ATN1: variants seen among roughly 807,000 people sequenced by gnomAD.
ATN1 encodes atrophin-1.
In ATN1, 19 loss-of-function variants were observed where a neutral mutation model predicts 85.8. The ratio of observed to expected loss-of-function variants is 0.22; its 90% CI spans 0.15 to 0.32. The LOEUF (loss-of-function observed/expected upper bound fraction) is 0.32, where lower values mean the gene tolerates loss of function less well. ATN1 is among the 10% of genes least tolerant of loss of function. The pLI is 1.00. For missense variants in ATN1, 1,453 were observed against 1,564.5 expected (o/e 0.93, Z 1.20); for synonymous variants, 674 against 657.0 (o/e 1.03, Z -0.39).
At chr12:6,938,143 C>G (rs1555144179) in intron 6 of ATN1, 76 bp downstream of exon 6, 3 of 1,465,784 alleles carry the variant, frequency 2.0e-6, no homozygotes, top group East Asian at 2.5e-5. Context: ...CTGCGCTACG[C>G]TACGCTGCGG....
Position 6,941,855 on chromosome 12 carries a change from T to G in ATN1, c.*75T>G. ...CCCCCACCCTCCCCCCACCGTGCCCTTGGCCTGCCACCCAGAGCCAAGAGG... is the reference window on the plus strand; with the variant it reads ...CCCCCACCCTCCCCCCACCGTGCCCGTGGCCTGCCACCCAGAGCCAAGAGG... On this transcript the variant is annotated 3_prime_UTR_variant, in exon 10 of 10. Coordinates refer to ENST00000396684, the MANE Select transcript of ATN1 (RefSeq NM_001940.4). The surrounding 1 kb of genome is among the most constrained non-coding windows in gnomAD (Gnocchi z 5.9). The G allele has an allele frequency of 6.7e-7, 1 of 1,492,982 alleles. No homozygotes were observed. The allele number at this position is 1,492,982 out of a possible 1,614,324, so 92.5% of individuals were successfully genotyped here. A position where few individuals can be genotyped will look rare whatever the true frequency, so the allele number is the denominator to read the frequency against.
At chr12:6,940,697 C>G (rs1555144508) in intron 7 of ATN1, among the ~76,000 whole-genome samples, 183 bp from the exon 8 acceptor site, 1 of 152,152 alleles carries the variant, frequency 6.6e-6, no homozygotes, top group Non-Finnish European at 1.5e-5. Context: ...TATGTCCCTC[C>G]TCCAGTAGGG....
At chr12:6,925,475 G>A (rs1400532497), upstream of ATN1, among the ~76,000 whole-genome samples, 1 of 152,088 alleles carries the variant, frequency 6.6e-6, no homozygotes, top group African/African-American at 2.4e-5. Flanking sequence ...CAGGGGTGGG[G>A]AGGAGCAGCA....
intron 6 of ATN1, 55 bp downstream of exon 6, chr12:6,938,122 TCTGCGCTGCG>T (rs1209032343): frequency 4.7e-6 from 7 of 1,496,244 alleles, no homozygotes; most frequent in Admixed American, 4.4e-5. Context: ...CTTCCTTCCC[TCTGCGCTGCG>T]CTGCGCTACG....
In ATN1 at chr12:6,935,648, C is replaced by T; in HGVS notation, c.381C>T (p.Asp127=). The T allele has an allele frequency of 6.2e-7, 1 of 1,613,986 alleles. No individual in the cohort carries two copies. The highest frequency in any genetic ancestry group is 1.1e-5 in the South Asian group (1 of 91,082). ...GSSDPRDIDQ[D]NRSTSPSIYS... ...GCGACCCTAGGGATATCGACCAGGA[C>T]AACCGAAGCACGTCCCCCAGTATCT... is the stretch of plus-strand genomic sequence containing the variant. Residue 127 remains aspartate (D), a synonymous_variant, in exon 5 of 10, where the codon GAC becomes GAT. Coordinates refer to ENST00000396684, the MANE Select transcript of ATN1 (RefSeq NM_001940.4). The surrounding 1 kb of genome is among the most constrained non-coding windows in gnomAD (Gnocchi z 5.3).
At chr12:6,930,800 CAATAAATA>C (rs138589375) in intron 1 of ATN1, among the ~76,000 whole-genome samples, 25 of 149,566 alleles carry the variant, frequency 1.7e-4, no homozygotes, top group African/African-American at 5.7e-4. Context: ...GACTCCGTCT[CAATAAATA>C]AATAAATAAA....
chr12:6,938,335 G>A, intron 6 of ATN1, 146 bp from the exon 7 acceptor site: 1 of 1,316,830 alleles, frequency 7.6e-7, no homozygotes, highest in Non-Finnish European at 1.0e-6. Context: ...TTCGGGAGCG[G>A]GGGCCGCAGT....
At chr12:6,938,104 C>A (rs1555144166) in intron 6 of ATN1, 37 bp downstream of exon 6, 5 of 1,519,730 alleles carry the variant, frequency 3.3e-6, no homozygotes, top group Non-Finnish European at 4.4e-6. Context: ...GCCTTCTTTC[C>A]CTCTTTCCTT....
rs1286142304 is a variant in ATN1 at position 6,934,349 on chromosome 12, A to G, written c.165+36A>G. The stretch of plus-strand genomic sequence containing the variant: ...CTCAGGTCCTCCCACAGGATGCCCA[A>G]GGCACTGGGGCTGAGGGTGTGTGTG... On this transcript the variant is annotated intron_variant, in intron 3 of 9. Transcript: ENST00000396684. This position sits in a 1 kb window ranked among gnomAD's most constrained non-coding sequence, Gnocchi z 4.5. 3.8e-6 allele frequency: 6 copies of G among 1,576,746 alleles called. No individual in the cohort carries two copies. In the African/African-American group the frequency reaches 6.8e-5, roughly 18 times the overall value.
chr12:6,936,442 C>T lies in ATN1; in HGVS notation c.1175C>T (p.Ser392Phe), dbSNP rs782479130. ...SAAASSSSSS[S>F]SSSASPFPAS... ...GCAGCCTCCTCTTCCAGTTCTTCCT[C>T]CTCTTCCTCTGCCTCCCCCTTCCCA... Residue 392 changes from serine (S) to phenylalanine (F), a missense_variant, in exon 5 of 10, where the codon TCC becomes TTC. Ser to Phe is a radical substitution (Grantham distance 155). Coordinates refer to ENST00000396684, the MANE Select transcript of ATN1 (RefSeq NM_001940.4). 19 of 1,611,398 alleles carry T rather than the reference C, an allele frequency of 1.2e-5. No homozygotes were observed. Among genetic ancestry groups the T allele is most frequent in the Non-Finnish European group, 1.5e-5 (18 of 1,179,436 alleles).
At chr12:6,939,234 C>A in intron 7 of ATN1, 57 bp downstream of exon 7, 1 of 1,518,530 alleles carries the variant, frequency 6.6e-7, no homozygotes, top group Non-Finnish European at 8.8e-7. Context: ...CCTATCATGA[C>A]TGGGCTCTTT....
In ATN1 at chr12:6,936,266, C is replaced by T. The variant is rs782657125; in HGVS notation, c.999C>T (p.His333=). The change falls in exon 5 of 10, where the codon CAC becomes CAT. Residue 333 remains histidine (H), a synonymous_variant. Transcript: ENST00000396684. The stretch of plus-strand genomic sequence containing the variant: ...TACCTGGTCATCTGCCCTCTCCCCA[C>T]GCCATGGGACAGGGTATGGGTGGAC... ...QPLPGHLPSP[H]AMGQGMGGLP... The T allele has an allele frequency of 3.4e-5, 54 of 1,611,370 alleles. No homozygotes were observed. Among genetic ancestry groups the T allele is most frequent in the Middle Eastern group, 3.3e-4 (2 of 6,068 alleles).
chr12:6,930,746 A>G (rs1945451642), intron 1 of ATN1, among the ~76,000 whole-genome samples: 1 of 152,180 alleles, frequency 6.6e-6, no homozygotes, highest in Non-Finnish European at 1.5e-5. Flanking sequence ...CAGTGAGCCG[A>G]GCCGAGATCG....
chr12:6,940,824 C>T, intron 7 of ATN1, 56 bp from the exon 8 acceptor site: 1 of 1,608,984 alleles, frequency 6.2e-7, no homozygotes, highest in Non-Finnish European at 8.5e-7. Context: ...CACCCAAATG[C>T]ATGGTTTGCC....
chr12:6,925,111 C>CGTGT (rs1253312996), upstream of ATN1, among the ~76,000 whole-genome samples: 7 of 105,106 alleles, frequency 6.7e-5, no homozygotes, highest in Admixed American at 9.0e-5. Flanking sequence ...TGTGTGTGTG[C>CGTGT]GTGTGCGTGT....
chr12:6,934,214 G>C lies in ATN1; in HGVS notation c.66G>C (p.Gly22=). The C allele has an allele frequency of 6.3e-7, 1 of 1,596,234 alleles. No individual in the cohort carries two copies. The highest frequency in any genetic ancestry group is 8.5e-7 in the Non-Finnish European group (1 of 1,175,758). The change falls in exon 3 of 10, where the codon GGG becomes GGC. Residue 22 remains glycine, a synonymous_variant. Transcript: ENST00000396684. The surrounding 1 kb of genome is among the most constrained non-coding windows in gnomAD (Gnocchi z 4.5). ...MRSGRKKEAP[G]PREELRSRGR... is the part of the protein sequence containing the mutation. ...GTGGACGGAAGAAAGAGGCCCCTGG[G>C]CCCCGGGAAGAACTGAGATCGAGGG... is the stretch of plus-strand genomic sequence containing the variant.
rs1945643834 is a variant in ATN1, at chr12:6,942,051, C to T, written c.*271C>T. 1 of 533,754 alleles carries T rather than the reference C, an allele frequency of 1.9e-6. No individual in the cohort carries two copies. The highest frequency in any genetic ancestry group is 3.1e-5 in the East Asian group (1 of 32,062). The allele number at this position is 533,754 out of a possible 1,614,324, so 33.1% of individuals were successfully genotyped here. A position where few individuals can be genotyped will look rare whatever the true frequency, so the allele number is the denominator to read the frequency against. On this transcript the variant is annotated 3_prime_UTR_variant, in exon 10 of 10. Coordinates refer to ENST00000396684, the MANE Select transcript of ATN1 (RefSeq NM_001940.4). The stretch of plus-strand genomic sequence containing the variant: ...TCTCTTCCTTGTCCCCCCTGCTTTT[C>T]TCCTCCCCCATGCCCAACCCCTGTG...
chr12:6,934,633 C>A lies in ATN1; in HGVS notation c.279+55C>A. On this transcript the variant is annotated intron_variant, in intron 4 of 9. Transcript: ENST00000396684. This position sits in a 1 kb window ranked among gnomAD's most constrained non-coding sequence, Gnocchi z 4.5. ...ATCTTGTGACCATTCTTTTCTCAGACTTGCTTATGCTCACTATTCTTAGCT... is the reference window on the plus strand; with the variant it reads ...ATCTTGTGACCATTCTTTTCTCAGAATTGCTTATGCTCACTATTCTTAGCT... 1 of 1,281,964 alleles carries A rather than the reference C, an allele frequency of 7.8e-7. No individual in the cohort carries two copies. Among genetic ancestry groups the A allele is most frequent in the Non-Finnish European group, 1.1e-6 (1 of 902,274 alleles). The allele number at this position is 1,281,964 out of a possible 1,614,324, so 79.4% of individuals were successfully genotyped here.
intron 1 of ATN1, among the ~76,000 whole-genome samples, chr12:6,933,200 C>T (rs1326382949): frequency 1.3e-5 from 2 of 151,816 alleles, no homozygotes; most frequent in African/African-American, 4.8e-5. Flanking sequence ...TAAATTCATA[C>T]TTCAATGTCA....
Sources: allele counts gnomAD v4.1 joint callset (sites outside exome capture counted in the v4.1 genomes callset), GRCh38; gene constraint gnomAD v4.1.1; non-coding constraint Gnocchi (gnomAD v3.1); transcripts MANE v1.5; gene names NCBI Gene and HGNC (gene_info 2026-07-23, HGNC 2026-07-21).